The following GALNT13 variants were observed in gnomAD, a reference collection of about 807,000 sequenced individuals.
The protein encoded by GALNT13 is UDP-GalNAc:polypeptide N-acetylgalactosaminyltransferase 13.
A neutral mutation model predicts 64.2 loss-of-function variants in GALNT13; 28 were observed. The ratio of observed to expected loss-of-function variants is 0.44; its 90% CI spans 0.32 to 0.60. The LOEUF (loss-of-function observed/expected upper bound fraction) is 0.60. Among genes scored for constraint, GALNT13 ranks in the 20% least tolerant of loss-of-function variants. The pLI is 0.05. For missense variants in GALNT13, 577 were observed against 669.8 expected, an observed-to-expected ratio of 0.86 and a Z score of 1.53; for synonymous variants, 214 against 224.6, an observed-to-expected ratio of 0.95 and a Z score of 0.42.
At chr2:153,786,397 G>A in the GALNT13 span, among the ~76,000 whole-genome samples, 1 of 151,994 alleles carries the variant, frequency 6.6e-6, no homozygotes, top group Non-Finnish European at 1.5e-5. Flanking sequence ...CATGACTGTG[G>A]ACCAGTCACC....
At chr2:154,254,986 T>C (rs1193319260) in intron 7 of GALNT13, among the ~76,000 whole-genome samples, 1 of 152,014 alleles carries the variant, frequency 6.6e-6, no homozygotes, top group Non-Finnish European at 1.5e-5. Flanking sequence ...AAAATAATAT[T>C]ATAATGGTAT....
In GALNT13 at chr2:153,917,128, A is replaced by ATT. The variant is rs398104869; in HGVS notation, c.-105+16130_-105+16131dup. The stretch of plus-strand genomic sequence containing the variant: ...GCTTTAAAACACCGTAATTCTGTGC[A>ATT]TTTTTTTTTTGCCTAACACAGATTC... On this transcript the variant is annotated intron_variant, in intron 2 of 12. Transcript: ENST00000392825. Among the ~76,000 whole-genome samples the ATT allele has an allele frequency of 7.1e-3, 1,060 of 148,958 alleles. 13 individuals are homozygous for ATT. Among genetic ancestry groups the ATT allele is most frequent in the African/African-American group, 0.025 (1,015 of 40,630 alleles).
chr2:153,671,892 G>A, the GALNT13 span, among the ~76,000 whole-genome samples: 7 of 152,014 alleles, frequency 4.6e-5, no homozygotes, highest in Admixed American at 3.9e-4. Context: ...AAAAAGCAGG[G>A]GTTGCAATCC....
the GALNT13 span, chr2:153,357,505 A>G: frequency 6.6e-6 from 1 of 152,350 alleles, no homozygotes; most frequent in East Asian, 1.9e-4. Flanking sequence ...CCTGTGTACT[A>G]AGTAATGGAA....
intron 3 of GALNT13, among the ~76,000 whole-genome samples, chr2:154,041,680 T>G (rs1698986181): frequency 7.1e-6 from 1 of 140,904 alleles, no homozygotes; most frequent in African/African-American, 2.4e-5. Context: ...TTTATATAGA[T>G]ACCATAGACA....
At chr2:154,096,636 G>C (rs1005255705) in intron 3 of GALNT13, among the ~76,000 whole-genome samples, 4 of 151,888 alleles carry the variant, frequency 2.6e-5, no homozygotes, top group African/African-American at 7.2e-5. Flanking sequence ...GTTATAAAAT[G>C]CCATCCTTTC....
chr2:153,263,562 A>G, the GALNT13 span, among the ~76,000 whole-genome samples: 2 of 152,108 alleles, frequency 1.3e-5, no homozygotes, highest in Non-Finnish European at 2.9e-5. Flanking sequence ...ACAAGGTTAC[A>G]TAACCAAAGC....
At chr2:153,409,442 T>A in the GALNT13 span, among the ~76,000 whole-genome samples, 1 of 150,960 alleles carries the variant, frequency 6.6e-6, no homozygotes, top group African/African-American at 2.4e-5. Flanking sequence ...CAGATTTTGG[T>A]AGCCTGTATC....
the GALNT13 span, among the ~76,000 whole-genome samples, chr2:153,516,582 A>T: frequency 3.6e-4 from 55 of 152,226 alleles, no homozygotes; most frequent in African/African-American, 1.3e-3. Flanking sequence ...TCCTTAATGA[A>T]ATATGAGAAA....
the GALNT13 span, among the ~76,000 whole-genome samples, chr2:153,069,930 T>C: frequency 6.6e-6 from 1 of 152,158 alleles, no homozygotes; most frequent in Non-Finnish European, 1.5e-5. Context: ...GTGAATGCCA[T>C]TATATTTGAA....
chr2:154,438,450 G>A (rs1574308597), intron 11 of GALNT13, 142 bp from the exon 12 acceptor site: 1 of 558,672 alleles, frequency 1.8e-6, no homozygotes, highest in East Asian at 2.9e-5. Flanking sequence ...TCAAAGAGAT[G>A]AATTAGCTTT....
chr2:153,717,214 T>C, the GALNT13 span, among the ~76,000 whole-genome samples: 2 of 152,338 alleles, frequency 1.3e-5, no homozygotes, highest in South Asian at 4.1e-4. Context: ...CCCCCTTCTG[T>C]TGGCTGTTTG....
intron 1 of GALNT13, among the ~76,000 whole-genome samples, chr2:153,894,015 A>G (rs998032006): frequency 2.0e-5 from 3 of 152,116 alleles, no homozygotes; most frequent in East Asian, 3.9e-4. Flanking sequence ...TGAATAAAGC[A>G]GAAGTGTTCC....
chr2:153,627,967 T>A, the GALNT13 span, among the ~76,000 whole-genome samples: 1 of 152,180 alleles, frequency 6.6e-6, no homozygotes, highest in Non-Finnish European at 1.5e-5. Context: ...ACGATATTGA[T>A]TCTTCCCACC....
the GALNT13 span, among the ~76,000 whole-genome samples, chr2:153,781,330 T>C: frequency 6.6e-6 from 1 of 152,206 alleles, no homozygotes; most frequent in Admixed American, 6.5e-5. Flanking sequence ...GTGAAGTGAC[T>C]TTCTATTGCC....
chr2:153,853,245 A>G, the GALNT13 span, among the ~76,000 whole-genome samples: 2 of 152,112 alleles, frequency 1.3e-5, no homozygotes, highest in African/African-American at 2.4e-5. Flanking sequence ...GTGCCCACCC[A>G]GATTGGGGGT....
the GALNT13 span, among the ~76,000 whole-genome samples, chr2:153,772,491 G>T: frequency 6.6e-6 from 1 of 152,108 alleles, no homozygotes; most frequent in Non-Finnish European, 1.5e-5. Flanking sequence ...CCATCACGGG[G>T]CTGCTTGCCC....
intron 3 of GALNT13, among the ~76,000 whole-genome samples, chr2:154,015,501 C>T (rs1696942188): frequency 6.6e-6 from 1 of 152,238 alleles, no homozygotes; most frequent in Middle Eastern, 3.4e-3. Flanking sequence ...TCCTAGTTCT[C>T]TCAGGAGTCT....
chr2:153,536,278 C>T, the GALNT13 span, among the ~76,000 whole-genome samples: 1 of 152,174 alleles, frequency 6.6e-6, no homozygotes, highest in African/African-American at 2.4e-5. Flanking sequence ...GATTTATTCA[C>T]ACCTAGCCTC....
Sources: gnomAD v4.1 joint callset for allele counts (sites outside exome capture counted in the v4.1 genomes callset) on GRCh38, gnomAD v4.1.1 for gene constraint, MANE v1.5 for transcripts, NCBI Gene and HGNC (gene_info 2026-07-23, HGNC 2026-07-21) for gene names.